MTMR7: variants seen among roughly 807,000 people sequenced by gnomAD.
MTMR7 encodes the protein phosphatidylinositol-3-phosphate phosphatase MTMR7.
A neutral mutation model predicts 81.2 loss-of-function variants in MTMR7; 76 were observed. The ratio of observed to expected loss-of-function variants is 0.94; its 90% CI spans 0.78 to 1.13. The LOEUF (loss-of-function observed/expected upper bound fraction) is 1.13. Ranked by LOEUF, MTMR7 falls within the 50% of genes most tolerant of loss-of-function variation. The pLI is 0.00. For missense variants in MTMR7, 1,044 were observed against 820.0 expected (o/e 1.27, Z -3.34); for synonymous variants, 372 against 289.8 (o/e 1.28, Z -2.88).
Position 17,348,938 on chromosome 8 carries a change from C to T in MTMR7, c.597+15G>A, listed in dbSNP as rs201687938. The T allele has an allele frequency of 2.4e-5, 39 of 1,613,422 alleles. No individual in the cohort carries two copies. Among genetic ancestry groups the T allele is most frequent in the East Asian group, 2.0e-4 (9 of 44,848 alleles). ...AAAAGCAAAGTGTAAAACAAAAACA[C>T]GCCTCGAGACTTACGTGGTTATCTT... On this transcript the variant is annotated intron_variant, in intron 5 of 13. Coordinates refer to ENST00000180173, the MANE Select transcript of MTMR7 (RefSeq NM_004686.5).
Position 17,302,200 on chromosome 8 carries a change from T to C in MTMR7, c.1574A>G (p.Lys525Arg). ...TTCCTCTAGCTGCTGAGTTTCTTCC[T>C]TCACTGCCATTAGGTAATCTGTAAC... is the stretch of plus-strand genomic sequence containing the variant. ...QSVTDYLMAV[K>R]EETQQLEEEL... Residue 525 changes from lysine to arginine, a missense_variant, in exon 13 of 14, where the codon AAG (lysine) becomes AGG (arginine). Physicochemically the swap from Lys to Arg is conservative, Grantham distance 26 (BLOSUM62 2). Coordinates refer to ENST00000180173, the MANE Select transcript of MTMR7 (RefSeq NM_004686.5). The C allele has an allele frequency of 6.2e-7, 1 of 1,614,144 alleles. No individual in the cohort carries two copies. The highest frequency in any genetic ancestry group is 1.1e-5 in the South Asian group (1 of 91,088).
intron 1 of MTMR7, among the ~76,000 whole-genome samples, chr8:17,387,146 G>A (rs561139019): frequency 6.6e-4 from 100 of 152,292 alleles, no homozygotes; most frequent in African/African-American, 1.9e-3. Context: ...ATTCTTCCCA[G>A]GTATTCTGAT....
At chr8:17,368,792 G>A (rs1820317369) in intron 3 of MTMR7, among the ~76,000 whole-genome samples, 1 of 152,158 alleles carries the variant, frequency 6.6e-6, no homozygotes, top group Admixed American at 6.5e-5. Context: ...CAAAATGCTG[G>A]TGATTCTTTT....
At chr8:17,340,534 G>A (rs1819377257) in intron 6 of MTMR7, among the ~76,000 whole-genome samples, 1 of 152,324 alleles carries the variant, frequency 6.6e-6, no homozygotes, top group South Asian at 2.1e-4. Flanking sequence ...ACTTGTTGAA[G>A]TTTTAGAAGA....
At chr8:17,384,171 G>C (rs1168879330) in intron 1 of MTMR7, among the ~76,000 whole-genome samples, 3 of 152,128 alleles carry the variant, frequency 2.0e-5, no homozygotes, top group Non-Finnish European at 4.4e-5. Context: ...AGAACTTTAG[G>C]AGGCTGAGGC....
chr8:17,372,298 A>T (rs368465302), intron 2 of MTMR7, among the ~76,000 whole-genome samples: 2 of 152,166 alleles, frequency 1.3e-5, no homozygotes, highest in East Asian at 3.9e-4. Flanking sequence ...AAGAATAATA[A>T]GGCCACACAC....
At chr8:17,387,997 T>C (rs939151079) in intron 1 of MTMR7, among the ~76,000 whole-genome samples, 6 of 152,166 alleles carry the variant, frequency 3.9e-5, no homozygotes, top group Non-Finnish European at 7.4e-5. Flanking sequence ...CAAGCTAAAA[T>C]AGTGACACAG....
intron 7 of MTMR7, among the ~76,000 whole-genome samples, chr8:17,319,229 C>T (rs757810021): frequency 5.9e-5 from 9 of 152,164 alleles, no homozygotes; most frequent in Admixed American, 1.3e-4. Flanking sequence ...AGTTACTGAG[C>T]CTCGCTGTCT....
chr8:17,341,305 C>T, intron 6 of MTMR7, 58 bp downstream of exon 6: 3 of 1,601,238 alleles, frequency 1.9e-6, no homozygotes, highest in South Asian at 1.1e-5. Flanking sequence ...CTAGCCTTTG[C>T]CTGTCTCCAG....
intron 1 of MTMR7, among the ~76,000 whole-genome samples, chr8:17,395,329 C>T (rs1353126301): frequency 6.6e-5 from 10 of 152,082 alleles, no homozygotes; most frequent in African/African-American, 2.2e-4. Context: ...TTGATGGACT[C>T]TTGGATTGTT....
At chr8:17,365,757 T>C (rs953222379) in intron 3 of MTMR7, among the ~76,000 whole-genome samples, 1 of 152,238 alleles carries the variant, frequency 6.6e-6, no homozygotes, top group East Asian at 1.9e-4. Flanking sequence ...ATTTACAGTA[T>C]CATATATTAT....
rs771383412 is a variant in MTMR7 at position 17,302,292 on chromosome 8, G to T, written c.1494-12C>A. The T allele has an allele frequency of 1.2e-6, 2 of 1,611,850 alleles. No homozygotes were observed. The highest frequency in any genetic ancestry group is 1.1e-5 in the South Asian group (1 of 90,704). On this transcript the variant is annotated splice_polypyrimidine_tract_variant and intron_variant, in intron 12 of 13. Coordinates refer to ENST00000180173, the MANE Select transcript of MTMR7 (RefSeq NM_004686.5). Reference sequence around the variant, plus strand: ...TTCCACTCCAAAACCTGGAAAGGATGGCAAAGCGTCGTGATACCACCTTAT... The same window carrying T: ...TTCCACTCCAAAACCTGGAAAGGATTGCAAAGCGTCGTGATACCACCTTAT...
At chr8:17,311,490 T>G in intron 9 of MTMR7, 21 bp downstream of exon 9, 1 of 1,613,892 alleles carries the variant, frequency 6.2e-7, no homozygotes. Context: ...CCTGTGGGAA[T>G]CGCCCAGTGG....
At chr8:17,399,458 C>T (rs1163828160) in intron 1 of MTMR7, among the ~76,000 whole-genome samples, 7 of 151,904 alleles carry the variant, frequency 4.6e-5, no homozygotes, top group South Asian at 2.1e-4. Context: ...AACTATAAAA[C>T]GCTGAGGAAA....
At chr8:17,388,566 A>G (rs1372326534) in intron 1 of MTMR7, among the ~76,000 whole-genome samples, 1 of 152,260 alleles carries the variant, frequency 6.6e-6, no homozygotes, top group East Asian at 1.9e-4. Flanking sequence ...CGATATTTCT[A>G]AAATTCTAAA....
intron 7 of MTMR7, among the ~76,000 whole-genome samples, chr8:17,315,893 G>T (rs1818042224): frequency 6.6e-6 from 1 of 152,126 alleles, no homozygotes; most frequent in African/African-American, 2.4e-5. Context: ...CATGCCTACT[G>T]TCCCAGCTAC....
chr8:17,382,501 T>C lies in MTMR7; in HGVS notation c.25-9261A>G, dbSNP rs76112677. Among the ~76,000 whole-genome samples, 898 of 149,356 alleles carry C rather than the reference T, an allele frequency of 6.0e-3. 12 individuals carry two copies. Among genetic ancestry groups the C allele is most frequent in the African/African-American group, 0.022 (857 of 39,552 alleles). On this transcript the variant is annotated intron_variant, in intron 1 of 13. Transcript: ENST00000180173. ...GATTTAAAACTGAATTGATGAAGCG[T>C]CTTGCTGTACTCAAAAATAAAGACT...
intron 7 of MTMR7, among the ~76,000 whole-genome samples, chr8:17,325,327 C>T (rs1818627214): frequency 6.6e-6 from 1 of 152,178 alleles, no homozygotes; most frequent in African/African-American, 2.4e-5. Flanking sequence ...CTCCAACCAT[C>T]CTTTCCACAC....
intron 2 of MTMR7, among the ~76,000 whole-genome samples, chr8:17,372,643 T>G (rs886159361): frequency 6.6e-6 from 1 of 152,096 alleles, no homozygotes; most frequent in African/African-American, 2.4e-5. Context: ...AAATATCTAA[T>G]GGTTTCATTA....
Sources: gnomAD v4.1 joint callset for allele counts (sites outside exome capture counted in the v4.1 genomes callset) on GRCh38, gnomAD v4.1.1 for gene constraint, MANE v1.5 for transcripts, NCBI Gene and HGNC (gene_info 2026-07-23, HGNC 2026-07-21) for gene names.